The following MFSD6 variants were observed in gnomAD, a reference collection of about 807,000 sequenced individuals.
MFSD6 encodes major facilitator superfamily domain-containing protein 6.
A neutral mutation model predicts 56.3 loss-of-function variants in MFSD6; 26 were observed. The observed-to-expected ratio is 0.46, with a 90% CI of 0.34 to 0.64. The LOEUF (loss-of-function observed/expected upper bound fraction) is 0.64, where lower values mean the gene tolerates loss of function less well. MFSD6 is among the 30% of genes least tolerant of loss of function. MFSD6 has a pLI of 0.01. For synonymous variants in MFSD6, 331 were observed against 366.9 expected (o/e 0.90, Z 1.12); for missense variants, 750 against 986.2 (o/e 0.76, Z 3.21).
chr2:190,463,856 T>C lies in MFSD6; in HGVS notation c.1533-5902T>C, dbSNP rs998461746. 6.1e-6 allele frequency: 6 copies of C among 979,448 alleles called. 1 individual carries two copies. In the African/African-American group the frequency reaches 1.1e-4, roughly 17 times the overall value. 60.7% of individuals were successfully genotyped at this position (979,448 alleles called of 1,614,324 possible). A position where few individuals can be genotyped will look rare whatever the true frequency, so the allele number is the denominator to read the frequency against. ...AATAAATAAAATAAAAATAAAAAGCTGAGAATGATGGAGCCCAATCTAAGG... is the reference window on the plus strand; with the variant it reads ...AATAAATAAAATAAAAATAAAAAGCCGAGAATGATGGAGCCCAATCTAAGG... On this transcript the variant is annotated intron_variant, in intron 3 of 7. Transcript: ENST00000392328. The surrounding 1 kb of genome is among the most constrained non-coding windows in gnomAD (Gnocchi z 4.4).
At chr2:190,453,380 G>A (rs1686854099) in intron 3 of MFSD6, among the ~76,000 whole-genome samples, 1 of 152,164 alleles carries the variant, frequency 6.6e-6, no homozygotes, top group African/African-American at 2.4e-5. Flanking sequence ...GCATTGATAA[G>A]CCCAGATTTA....
At position 190,438,704 on chromosome 2, in the gene MFSD6, G is replaced by A. The variant is rs1686264674; in HGVS notation, c.1532+1143G>A. On this transcript the variant is annotated intron_variant, in intron 3 of 7. Transcript: ENST00000392328. This position sits in a 1 kb window ranked among gnomAD's most constrained non-coding sequence, Gnocchi z 5.2. Reference sequence around the variant, plus strand: ...TCTGTTCCTAAAATGTGAAGTTGCTGTAACTAAAAGCAACCGTATGTGTTT... The same window carrying A: ...TCTGTTCCTAAAATGTGAAGTTGCTATAACTAAAAGCAACCGTATGTGTTT... 1.3e-5 allele frequency among the ~76,000 whole-genome samples: 2 copies of A among 152,180 alleles called. No individual in the cohort carries two copies. Among genetic ancestry groups the A allele is most frequent in the South Asian group, 4.1e-4 (2 of 4,826 alleles).
At chr2:190,445,803 G>A (rs1249688885) in intron 3 of MFSD6, among the ~76,000 whole-genome samples, 5 of 76,466 alleles carry the variant, frequency 6.5e-5, no homozygotes, top group Admixed American at 2.1e-4. Context: ...GATTCATAAC[G>A]TGGTAATATG....
chr2:190,439,366 A>G lies in MFSD6; in HGVS notation c.1532+1805A>G, dbSNP rs188085671. Reference sequence around the variant, plus strand: ...TCTATTTTCTTTTTTTTCACGTTTTATTTGTTTATTTTTTTATTATACTTT... The same window carrying G: ...TCTATTTTCTTTTTTTTCACGTTTTGTTTGTTTATTTTTTTATTATACTTT... On this transcript the variant is annotated intron_variant, in intron 3 of 7. Coordinates refer to ENST00000392328, the MANE Select transcript of MFSD6 (RefSeq NM_017694.4). The surrounding 1 kb of genome is among the most constrained non-coding windows in gnomAD (Gnocchi z 5.8). 2.6e-5 allele frequency among the ~76,000 whole-genome samples: 4 copies of G among 151,746 alleles called. No individual in the cohort carries two copies. The highest frequency in any genetic ancestry group is 4.8e-5 in the African/African-American group (2 of 41,400).
In MFSD6 at chr2:190,437,379, G is replaced by A; in HGVS notation, c.1350G>A (p.Val450=). 1.2e-6 allele frequency: 2 copies of A among 1,614,232 alleles called. No individual in the cohort carries two copies. Among genetic ancestry groups the A allele is most frequent in the Non-Finnish European group, 1.7e-6 (2 of 1,180,048 alleles). The change falls in exon 3 of 8, where the codon GTG becomes GTA. Residue 450 remains valine (V), a synonymous_variant. Transcript: ENST00000392328. The surrounding 1 kb of genome is among the most constrained non-coding windows in gnomAD (Gnocchi z 5.9). ...TCTGCAGCGTGCAGTATGGCTCAGT[G>A]CTGTTTGTGGCTTGGTTCATGGGTT... is the stretch of plus-strand genomic sequence containing the variant. ...KLLCSVQYGS[V]LFVAWFMGFG... is the part of the protein sequence containing the mutation.
chr2:190,484,784 T>C (rs1031316557), intron 4 of MFSD6, among the ~76,000 whole-genome samples: 26 of 152,190 alleles, frequency 1.7e-4, no homozygotes, highest in African/African-American at 6.3e-4. Context: ...ATGAATTTAA[T>C]TGCTTCTTCA....
At chr2:190,472,796 A>G (rs1688027291) in intron 4 of MFSD6, among the ~76,000 whole-genome samples, 1 of 152,240 alleles carries the variant, frequency 6.6e-6, no homozygotes, top group African/African-American at 2.4e-5. Flanking sequence ...AGATTCACCA[A>G]AGTTGAAATG....
chr2:190,435,919 C>T (rs1221658697), intron 2 of MFSD6, 58 bp from the exon 3 acceptor site: 7 of 1,350,778 alleles, frequency 5.2e-6, no homozygotes, highest in Admixed American at 5.0e-5. Flanking sequence ...AGATGAAGTT[C>T]TGTGTTTACA....
chr2:190,467,559 G>A lies in MFSD6; in HGVS notation c.1533-2199G>A, dbSNP rs1484218674. Among the ~76,000 whole-genome samples, 3 of 152,154 alleles carry A rather than the reference G, an allele frequency of 2.0e-5. No homozygotes were observed. The highest frequency in any genetic ancestry group is 4.8e-5 in the African/African-American group (2 of 41,420). On this transcript the variant is annotated intron_variant, in intron 3 of 7. Transcript: ENST00000392328. The surrounding 1 kb of genome is among the most constrained non-coding windows in gnomAD (Gnocchi z 5.5). ...ACCTGGGAGGCGGAGGTTTCAGTGA[G>A]CCGAGATCGTGCCACTGCTCTCTAG...
At chr2:190,481,496 G>A (rs1403009434) in intron 4 of MFSD6, among the ~76,000 whole-genome samples, 1 of 152,072 alleles carries the variant, frequency 6.6e-6, no homozygotes, top group African/African-American at 2.4e-5. Context: ...ATGTCCTTTT[G>A]TTCAGCTGCT....
chr2:190,465,794 A>C lies in MFSD6; in HGVS notation c.1533-3964A>C, dbSNP rs1687575304. Among the ~76,000 whole-genome samples the C allele has an allele frequency of 6.6e-6, 1 of 152,132 alleles. No individual in the cohort carries two copies. Among genetic ancestry groups the C allele is most frequent in the Non-Finnish European group, 1.5e-5 (1 of 68,022 alleles). ...GATCACTTTAGGTTTGGAGTTCAAG[A>C]CCAGCCTGGCCAACATAGTGAAACC... On this transcript the variant is annotated intron_variant, in intron 3 of 7. Transcript: ENST00000392328. This position sits in a 1 kb window ranked among gnomAD's most constrained non-coding sequence, Gnocchi z 4.6.
intron 3 of MFSD6, among the ~76,000 whole-genome samples, chr2:190,464,151 T>A (rs1415124938): frequency 6.6e-6 from 1 of 152,190 alleles, no homozygotes; most frequent in Non-Finnish European, 1.5e-5. Flanking sequence ...TGTGCGTGCA[T>A]CTTTGCGTGA....
Position 190,489,798 on chromosome 2 carries a change from TG to T in MFSD6, c.1825del (p.Ala609ProfsTer4). 1 of 1,614,200 alleles carries T rather than the reference TG, an allele frequency of 6.2e-7. No homozygotes were observed. Among genetic ancestry groups the T allele is most frequent in the Non-Finnish European group, 8.5e-7 (1 of 1,180,012 alleles). On this transcript the variant is annotated frameshift_variant, in exon 6 of 8. Coordinates refer to ENST00000392328, the MANE Select transcript of MFSD6 (RefSeq NM_017694.4). LOFTEE classifies it high-confidence loss of function. The surrounding 1 kb of genome is among the most constrained non-coding windows in gnomAD (Gnocchi z 6.6). ...GAAATFRGIG[M>X]ACLVILLLFA... is the part of the protein sequence containing the mutation. ...GCTGCAACCTTCCGAGGAATTGGCA[TG>T]GCCTGCTTGGTGATCCTACTGCTCT...
chr2:190,452,087 T>C (rs1263464832), intron 3 of MFSD6, among the ~76,000 whole-genome samples: 3 of 152,174 alleles, frequency 2.0e-5, no homozygotes, highest in Admixed American at 6.5e-5. Flanking sequence ...TGTTTTTTTT[T>C]TCAGCAACTT....
In MFSD6 at chr2:190,496,336, A is replaced by G. The variant is rs1689674397; in HGVS notation, c.1892-1103A>G. On this transcript the variant is annotated intron_variant, in intron 6 of 7. Coordinates refer to ENST00000392328, the MANE Select transcript of MFSD6 (RefSeq NM_017694.4). This position sits in a 1 kb window ranked among gnomAD's most constrained non-coding sequence, Gnocchi z 4.7. ...TTATCAAATAATCAAAAAATAATTGATGTTGGTGTGGATGTAGTGAAAAGG... is the reference window on the plus strand; with the variant it reads ...TTATCAAATAATCAAAAAATAATTGGTGTTGGTGTGGATGTAGTGAAAAGG... Among the ~76,000 whole-genome samples the G allele has an allele frequency of 6.6e-6, 1 of 152,146 alleles. No individual in the cohort carries two copies. Among genetic ancestry groups the G allele is most frequent in the Admixed American group, 6.5e-5 (1 of 15,280 alleles).
chr2:190,447,544 C>G lies in MFSD6; in HGVS notation c.1532+9983C>G, dbSNP rs1272253723. Among the ~76,000 whole-genome samples the G allele has an allele frequency of 6.6e-6, 1 of 152,082 alleles. No homozygotes were observed. The highest frequency in any genetic ancestry group is 1.5e-5 in the Non-Finnish European group (1 of 68,014). ...TGACCTACCTAGTGATATAAAGAAG[C>G]CACATTAAAAAATAAATTGCTTATA... On this transcript the variant is annotated intron_variant, in intron 3 of 7. Transcript: ENST00000392328. This position sits in a 1 kb window ranked among gnomAD's most constrained non-coding sequence, Gnocchi z 4.5.
At chr2:190,432,091 C>T (rs955144237) in intron 2 of MFSD6, among the ~76,000 whole-genome samples, 1 of 152,144 alleles carries the variant, frequency 6.6e-6, no homozygotes, top group Non-Finnish European at 1.5e-5. Context: ...GGTAATTACT[C>T]ATATTTAGTG....
chr2:190,489,700 G>GA lies in MFSD6; in HGVS notation c.1793-67dup. 2 of 1,409,930 alleles carry GA rather than the reference G, an allele frequency of 1.4e-6. No individual in the cohort carries two copies. The highest frequency in any genetic ancestry group is 2.0e-6 in the Non-Finnish European group (2 of 1,022,748). The allele number at this position is 1,409,930 out of a possible 1,614,324, so 87.3% of individuals were successfully genotyped here. A position where few individuals can be genotyped will look rare whatever the true frequency, so the allele number is the denominator to read the frequency against. Reference sequence around the variant, plus strand: ...CCTTTGCTTTGATCTTTAGAAAACTGATGGTTTTAGATGAGCGCTATCTGC... The same window carrying GA: ...CCTTTGCTTTGATCTTTAGAAAACTGAATGGTTTTAGATGAGCGCTATCTGC... On this transcript the variant is annotated intron_variant, in intron 5 of 7. Transcript: ENST00000392328. This position sits in a 1 kb window ranked among gnomAD's most constrained non-coding sequence, Gnocchi z 6.6.
Position 190,463,012 on chromosome 2 carries a change from C to A in MFSD6, c.1533-6746C>A, listed in dbSNP as rs1687408861. Among the ~76,000 whole-genome samples the A allele has an allele frequency of 6.6e-6, 1 of 152,078 alleles. No individual in the cohort carries two copies. Among genetic ancestry groups the A allele is most frequent in the Non-Finnish European group, 1.5e-5 (1 of 68,012 alleles). On this transcript the variant is annotated intron_variant, in intron 3 of 7. Coordinates refer to ENST00000392328, the MANE Select transcript of MFSD6 (RefSeq NM_017694.4). This position sits in a 1 kb window ranked among gnomAD's most constrained non-coding sequence, Gnocchi z 4.4. Reference sequence around the variant, plus strand: ...CTGTGGTTCTTTCAAACCAGCCAGTCCTGGAGTGGGACACAGGATGCAGGA... The same window carrying A: ...CTGTGGTTCTTTCAAACCAGCCAGTACTGGAGTGGGACACAGGATGCAGGA...
Sources: gnomAD v4.1 joint callset for allele counts (sites outside exome capture counted in the v4.1 genomes callset) on GRCh38, gnomAD v4.1.1 for gene constraint, Gnocchi (gnomAD v3.1) non-coding constraint, MANE v1.5 for transcripts, NCBI Gene and HGNC (gene_info 2026-07-23, HGNC 2026-07-21) for gene names.